The following CDH13 variants were observed in gnomAD, a reference collection of about 807,000 sequenced individuals.
CDH13 encodes cadherin-13.
A neutral mutation model predicts 63.8 loss-of-function variants in CDH13; 24 were observed. The ratio of observed to expected loss-of-function variants is 0.38; its 90% CI spans 0.27 to 0.53. The LOEUF (loss-of-function observed/expected upper bound fraction) is 0.53, where lower values mean the gene tolerates loss of function less well. Ranked by LOEUF, CDH13 falls within the 20% of genes least tolerant of loss-of-function variation. The pLI is 0.85. For synonymous variants in CDH13, 503 were observed against 355.3 expected, an observed-to-expected ratio of 1.42 and a Z score of -4.67; for missense variants, 1,049 against 903.1, an observed-to-expected ratio of 1.16 and a Z score of -2.07.
intron 7 of CDH13, among the ~76,000 whole-genome samples, chr16:83,561,453 G>T (rs982177846): frequency 6.8e-6 from 1 of 147,060 alleles, no homozygotes; most frequent in Non-Finnish European, 1.5e-5. Context: ...AAAACTTCAA[G>T]CAAGGGAGGC....
chr16:82,925,938 T>A (rs1038279753), intron 2 of CDH13: 2 of 152,114 alleles, frequency 1.3e-5, no homozygotes, highest in African/African-American at 4.8e-5. Context: ...TTTCCCATTT[T>A]AAAAAATTCA....
chr16:82,857,482 C>T (rs1283710225), intron 1 of CDH13, among the ~76,000 whole-genome samples: 2 of 152,096 alleles, frequency 1.3e-5, no homozygotes, highest in Non-Finnish European at 2.9e-5. Flanking sequence ...AACCTTAAGA[C>T]CATTTCTTAT....
chr16:83,795,155 G>T lies in CDH13; in HGVS notation c.*125G>T. The T allele has an allele frequency of 4.1e-6, 3 of 727,038 alleles. No individual in the cohort carries two copies. Among genetic ancestry groups the T allele is most frequent in the South Asian group, 3.6e-5 (2 of 55,158 alleles). 45.0% of individuals were successfully genotyped at this position (727,038 alleles called of 1,614,324 possible). A position where few individuals can be genotyped will look rare whatever the true frequency, so the allele number is the denominator to read the frequency against. ...TTCACAACTAGGCCTCAATTGTTCC[G>T]GTTTTTTATTTTCTTTACAATTTCA... On this transcript the variant is annotated 3_prime_UTR_variant, in exon 14 of 14. Transcript: ENST00000567109.
intron 4 of CDH13, among the ~76,000 whole-genome samples, chr16:83,202,249 G>A (rs1054788684): frequency 1.1e-4 from 17 of 152,176 alleles, no homozygotes; most frequent in South Asian, 2.1e-4. Flanking sequence ...GACTGACATA[G>A]TGCTAGGCCC....
At chr16:83,181,145 C>G in intron 4 of CDH13, 1 of 799,594 alleles carries the variant, frequency 1.3e-6, no homozygotes. Flanking sequence ...GACAGAGAGT[C>G]AGAAGTCATC....
intron 3 of CDH13, among the ~76,000 whole-genome samples, chr16:83,035,847 G>A (rs961566350): frequency 6.6e-6 from 1 of 152,198 alleles, no homozygotes; most frequent in Admixed American, 6.5e-5. Flanking sequence ...TGGATTCAAT[G>A]AGACGATACA....
rs562789560 is a variant in CDH13, at chr16:83,140,579, G to C, written c.483+15078G>C. Reference sequence around the variant, plus strand: ...AGTGATTTTCCTGCCTCAGCCCCCAGGGTAGCTGGGATTACAGGCGCCTGC... The same window carrying C: ...AGTGATTTTCCTGCCTCAGCCCCCACGGTAGCTGGGATTACAGGCGCCTGC... On this transcript the variant is annotated intron_variant, in intron 4 of 13. Coordinates refer to ENST00000567109, the MANE Select transcript of CDH13 (RefSeq NM_001257.5). Among the ~76,000 whole-genome samples the C allele has an allele frequency of 1.0e-3, 152 of 152,224 alleles. 3 individuals are homozygous for C. The highest frequency in any genetic ancestry group is 3.4e-3 in the Middle Eastern group (1 of 294).
intron 5 of CDH13, among the ~76,000 whole-genome samples, chr16:83,276,754 A>C (rs113492520): frequency 0.028 from 4,241 of 152,218 alleles, 184 homozygotes; most frequent in African/African-American, 0.088. Flanking sequence ...ACCTGTAGCC[A>C]CAGCTACTCG....
intron 2 of CDH13, chr16:82,953,328 C>T (rs1597283252): frequency 6.6e-6 from 1 of 152,118 alleles, no homozygotes; most frequent in East Asian, 1.9e-4. Flanking sequence ...ATAGCAAAAA[C>T]AGATACACTT....
At chr16:83,145,537 G>A (rs891622148) in intron 4 of CDH13, among the ~76,000 whole-genome samples, 5 of 152,166 alleles carry the variant, frequency 3.3e-5, no homozygotes, top group African/African-American at 1.2e-4. Context: ...ACCAAGGACC[G>A]TGTCAACACA....
chr16:82,978,486 C>G (rs1373973965), intron 2 of CDH13, among the ~76,000 whole-genome samples: 1 of 152,236 alleles, frequency 6.6e-6, no homozygotes, highest in East Asian at 1.9e-4. Context: ...CAAGTCTCCC[C>G]TGCTTTGTGC....
intron 6 of CDH13, among the ~76,000 whole-genome samples, chr16:83,405,489 C>T (rs2092028649): frequency 6.6e-6 from 1 of 152,076 alleles, no homozygotes. Context: ...AGGCCATGTG[C>T]CAAGAGATGC....
chr16:83,301,025 G>T lies in CDH13; in HGVS notation c.637-43837G>T, dbSNP rs375421455. ...GAACTGATACATATAACTTTCTGGGGTTTTTTTTTTTTTTTTTTTTTTTTG... is the reference window on the plus strand; with the variant it reads ...GAACTGATACATATAACTTTCTGGGTTTTTTTTTTTTTTTTTTTTTTTTTG... On this transcript the variant is annotated intron_variant, in intron 5 of 13. Transcript: ENST00000567109. 5.5e-3 allele frequency among the ~76,000 whole-genome samples: 432 copies of T among 78,796 alleles called. 8 individuals are homozygous for T. Among genetic ancestry groups the T allele is most frequent in the African/African-American group, 0.012 (222 of 18,592 alleles). 51.7% of individuals were successfully genotyped at this position (78,796 alleles called of 152,430 possible). A position where few individuals can be genotyped will look rare whatever the true frequency, so the allele number is the denominator to read the frequency against.
chr16:82,639,366 A>T, intron 1 of CDH13: 3 of 1,535,212 alleles, frequency 2.0e-6, no homozygotes, highest in Non-Finnish European at 2.6e-6. Context: ...CCAGGGCCAA[A>T]CAACCCACCT....
intron 13 of CDH13, among the ~76,000 whole-genome samples, chr16:83,787,008 G>T (rs1915929138): frequency 6.6e-6 from 1 of 152,102 alleles, no homozygotes; most frequent in Non-Finnish European, 1.5e-5. Context: ...CCATGAATTA[G>T]CTATTCATGT....
intron 2 of CDH13, among the ~76,000 whole-genome samples, chr16:82,944,007 G>C (rs755562801): frequency 1.3e-5 from 2 of 152,164 alleles, no homozygotes; most frequent in Admixed American, 6.5e-5. Flanking sequence ...AATGCACTCA[G>C]ATAGCCCTTT....
At chr16:83,416,652 G>A (rs2071558675) in intron 6 of CDH13, among the ~76,000 whole-genome samples, 1 of 152,168 alleles carries the variant, frequency 6.6e-6, no homozygotes, top group Admixed American at 6.5e-5. Context: ...ATTTGAATTT[G>A]CATCTTTCTG....
At chr16:82,805,073 G>A (rs1326933677) in intron 1 of CDH13, among the ~76,000 whole-genome samples, 1 of 152,168 alleles carries the variant, frequency 6.6e-6, no homozygotes, top group African/African-American at 2.4e-5. Flanking sequence ...AGTATCCCGG[G>A]TTTGTTAACA....
chr16:83,384,932 T>G (rs1292721715), intron 6 of CDH13, among the ~76,000 whole-genome samples: 1 of 152,222 alleles, frequency 6.6e-6, no homozygotes, highest in Non-Finnish European at 1.5e-5. Context: ...TAGTATATGC[T>G]CAGTAAGTAT....
Sources: allele counts gnomAD v4.1 joint callset (sites outside exome capture counted in the v4.1 genomes callset), GRCh38; gene constraint gnomAD v4.1.1; transcripts MANE v1.5; gene names NCBI Gene and HGNC (gene_info 2026-07-23, HGNC 2026-07-21).